Variants in ARMC8 observed in about 807,000 individuals in gnomAD.
ARMC8 encodes armadillo repeat-containing protein 8.
Under a neutral mutation model 99.3 loss-of-function variants are expected in ARMC8, and 20 were observed. The ratio of observed to expected loss-of-function variants is 0.20; its 90% CI spans 0.14 to 0.29. ARMC8 has a LOEUF of 0.29. Ranked by LOEUF, ARMC8 falls within the 10% of genes least tolerant of loss-of-function variation. ARMC8 has a pLI of 1.00. For synonymous variants in ARMC8, 263 were observed against 278.3 expected, an observed-to-expected ratio of 0.95 and a Z score of 0.55; for missense variants, 569 against 809.5, an observed-to-expected ratio of 0.70 and a Z score of 3.60.
chr3:138,263,698 C>T (rs746586064), intron 12 of ARMC8, 41 bp from the exon 13 acceptor site: 18 of 1,518,358 alleles, frequency 1.2e-5, no homozygotes, highest in Non-Finnish European at 1.6e-5. Flanking sequence ...AGTTTGTCAC[C>T]TTCATGTTGT....
chr3:138,234,294 T>A (rs1307107292), intron 6 of ARMC8, among the ~76,000 whole-genome samples: 1 of 152,124 alleles, frequency 6.6e-6, no homozygotes, highest in Non-Finnish European at 1.5e-5. Flanking sequence ...GTATTTTTAG[T>A]AGAGACGGGA....
At chr3:138,188,004 C>T (rs755532166) in intron 1 of ARMC8, 35 of 257,034 alleles carry the variant, frequency 1.4e-4, no homozygotes, top group Non-Finnish European at 2.0e-4. Flanking sequence ...GAACGAGCGC[C>T]CACTCAGCTC....
chr3:138,216,097 C>T (rs1365962302), intron 2 of ARMC8, among the ~76,000 whole-genome samples: 1 of 149,278 alleles, frequency 6.7e-6, no homozygotes, highest in Admixed American at 6.7e-5. Flanking sequence ...TTATGTTGGC[C>T]AGGCTGGTCT....
rs573924632 is a variant in ARMC8, at chr3:138,211,908, A to T, written c.122+2015A>T. Among the ~76,000 whole-genome samples the T allele has an allele frequency of 6.6e-5, 10 of 151,718 alleles. No homozygotes were observed. In the South Asian group the frequency reaches 2.1e-3, roughly 32 times the overall value. ...TATTAGCTCCAATTTAAAACAACTT[A>T]AAAAAAAAGATAATTCTCCTCAAAG... On this transcript the variant is annotated intron_variant, in intron 2 of 21. Coordinates refer to ENST00000469044, the MANE Select transcript of ARMC8 (RefSeq NM_001363941.2).
At chr3:138,191,757 G>A (rs1369201222) in intron 1 of ARMC8, among the ~76,000 whole-genome samples, 1 of 152,184 alleles carries the variant, frequency 6.6e-6, no homozygotes, top group Non-Finnish European at 1.5e-5. Flanking sequence ...GAATCATACA[G>A]TATGTGACTT....
chr3:138,189,363 A>G (rs949104847), intron 1 of ARMC8, among the ~76,000 whole-genome samples: 8 of 152,142 alleles, frequency 5.3e-5, no homozygotes, highest in Non-Finnish European at 1.0e-4. Context: ...GCCTTGGGGA[A>G]GTAGGAGCTT....
At position 138,198,525 on chromosome 3, in the gene ARMC8, T is replaced by TA. The variant is rs1378873615; in HGVS notation, c.45+10926_45+10927insA. Among the ~76,000 whole-genome samples the TA allele has an allele frequency of 2.3e-3, 330 of 143,326 alleles. 2 individuals are homozygous for TA. Among genetic ancestry groups the TA allele is most frequent in the African/African-American group, 8.3e-3 (322 of 38,588 alleles). 94.0% of individuals were successfully genotyped at this position (143,326 alleles called of 152,430 possible). On this transcript the variant is annotated intron_variant, in intron 1 of 21. Transcript: ENST00000469044. ...TTATTATTATTATTATTATTATTAT[T>TA]TTTTGAGACAGATTCTCACTCTTCT...
rs149749519 is a variant in ARMC8, at chr3:138,267,874, A to G, written c.1386+633A>G. Reference sequence around the variant, plus strand: ...GGTTTATTGTGCATTTAGTTGTCCCATTTGTGTTGAATTTATTTGCTGCAT... The same window carrying G: ...GGTTTATTGTGCATTTAGTTGTCCCGTTTGTGTTGAATTTATTTGCTGCAT... On this transcript the variant is annotated intron_variant, in intron 15 of 21. Transcript: ENST00000469044. Among the ~76,000 whole-genome samples, 44 of 152,270 alleles carry G rather than the reference A, an allele frequency of 2.9e-4. 2 individuals are homozygous for G. In the East Asian group the frequency reaches 7.3e-3, roughly 25 times the overall value.
At chr3:138,291,537 G>A (rs191591979) in intron 21 of ARMC8, among the ~76,000 whole-genome samples, 39 of 152,268 alleles carry the variant, frequency 2.6e-4, no homozygotes, top group Admixed American at 1.5e-3. Flanking sequence ...CTTTGCCCTC[G>A]TGTAACTTAC....
chr3:138,295,505 G>C (rs2051400062), intron 21 of ARMC8, among the ~76,000 whole-genome samples: 1 of 152,178 alleles, frequency 6.6e-6, no homozygotes, highest in African/African-American at 2.4e-5. Flanking sequence ...CTACATGGCA[G>C]TAAGAAAAAG....
At chr3:138,221,311 A>G (rs2346746) in intron 2 of ARMC8, among the ~76,000 whole-genome samples, 46,938 of 152,122 alleles carry the variant, frequency 0.31, 9,224 homozygotes, top group East Asian at 0.73. Context: ...ATATTGTATA[A>G]CAGCAGCCCA....
rs371922186 is a variant in ARMC8 at position 138,271,190 on chromosome 3, T to G, written c.1479+1058T>G. Reference sequence around the variant, plus strand: ...AACAAATCTGTAGTTTCACAGATATTTTTCTCCTGAACTTTGCACAGCTTT... The same window carrying G: ...AACAAATCTGTAGTTTCACAGATATGTTTCTCCTGAACTTTGCACAGCTTT... On this transcript the variant is annotated intron_variant, in intron 16 of 21. Transcript: ENST00000469044. 5.5e-4 allele frequency among the ~76,000 whole-genome samples: 84 copies of G among 152,316 alleles called. No individual in the cohort carries two copies. The South Asian group carries it at 0.017, about 31-fold the overall frequency.
chr3:138,197,572 T>A (rs1176893605), intron 1 of ARMC8, among the ~76,000 whole-genome samples: 1 of 152,226 alleles, frequency 6.6e-6, no homozygotes, highest in Non-Finnish European at 1.5e-5. Flanking sequence ...TACATCCTAG[T>A]GGACTTCTTG....
chr3:138,201,432 C>T (rs1467218718), intron 1 of ARMC8, among the ~76,000 whole-genome samples: 2 of 112,786 alleles, frequency 1.8e-5, no homozygotes, highest in African/African-American at 3.1e-5. Context: ...TCTTCTTCCC[C>T]TCCCTTTTTT....
chr3:138,228,816 TTAAGA>T (rs572539336), intron 5 of ARMC8, 97 bp from the exon 6 acceptor site: 39 of 708,646 alleles, frequency 5.5e-5, no homozygotes, highest in South Asian at 5.3e-4. Context: ...TTGACTGTCA[TTAAGA>T]TAAGAGATTT....
At chr3:138,213,270 G>A (rs2044812195) in intron 2 of ARMC8, among the ~76,000 whole-genome samples, 1 of 152,208 alleles carries the variant, frequency 6.6e-6, no homozygotes, top group Non-Finnish European at 1.5e-5. Flanking sequence ...TCACATCACA[G>A]TGAACCATTT....
At chr3:138,293,901 T>C (rs1404007511) in intron 21 of ARMC8, among the ~76,000 whole-genome samples, 1 of 152,220 alleles carries the variant, frequency 6.6e-6, no homozygotes, top group Non-Finnish European at 1.5e-5. Flanking sequence ...TGTTTTCACA[T>C]AAGTTTTTAG....
intron 20 of ARMC8, among the ~76,000 whole-genome samples, chr3:138,289,629 C>T (rs1474243245): frequency 2.0e-5 from 3 of 152,064 alleles, no homozygotes; most frequent in Non-Finnish European, 4.4e-5. Flanking sequence ...ATTAGAATCA[C>T]CTGGGAATTT....
In ARMC8 at chr3:138,200,784, T is replaced by C. The variant is rs559642365; in HGVS notation, c.46-9033T>C. On this transcript the variant is annotated intron_variant, in intron 1 of 21. Transcript: ENST00000469044. ...AGTATAAGCACTTGGAAACAAAATA[T>C]GCTATTAAACATTTTTTCCATGCTG... Among the ~76,000 whole-genome samples, 17 of 152,256 alleles carry C rather than the reference T, an allele frequency of 1.1e-4. No homozygotes were observed. The South Asian group carries it at 3.1e-3, about 28-fold the overall frequency.
Sources: allele counts gnomAD v4.1 joint callset (sites outside exome capture counted in the v4.1 genomes callset), GRCh38; gene constraint gnomAD v4.1.1; transcripts MANE v1.5; gene names NCBI Gene and HGNC (gene_info 2026-07-23, HGNC 2026-07-21).